The following FSTL4 variants were observed in gnomAD, a reference collection of about 807,000 sequenced individuals.
The protein encoded by FSTL4 is follistatin like 4, also known as follistatin-related protein 4.
A neutral mutation model predicts 78.2 loss-of-function variants in FSTL4; 28 were observed. That is an observed-to-expected ratio of 0.36 (90% CI 0.27 to 0.49). The LOEUF (loss-of-function observed/expected upper bound fraction) is 0.49, where lower values mean the gene tolerates loss of function less well. FSTL4 is among the 20% of genes least tolerant of loss of function. The pLI, the probability that FSTL4 is intolerant of heterozygous loss-of-function variation, is 0.98. For missense variants in FSTL4, 922 were observed against 1,084.9 expected (o/e 0.85, Z 2.11); for synonymous variants, 422 against 440.5 (o/e 0.96, Z 0.53).
chr5:133,570,649 C>A (rs1398172694), intron 2 of FSTL4, among the ~76,000 whole-genome samples: 2 of 151,768 alleles, frequency 1.3e-5, no homozygotes, highest in Non-Finnish European at 2.9e-5. Flanking sequence ...ATGAGATAAA[C>A]TTCTTCTTTG....
At chr5:133,791,155 T>G in the FSTL4 span, among the ~76,000 whole-genome samples, 1 of 152,174 alleles carries the variant, frequency 6.6e-6, no homozygotes, top group Non-Finnish European at 1.5e-5. Flanking sequence ...TCTGGAGTGC[T>G]CTTCACCAGA....
intron 4 of FSTL4, among the ~76,000 whole-genome samples, chr5:133,350,569 G>A (rs1018144367): frequency 6.6e-6 from 1 of 152,224 alleles, no homozygotes; most frequent in African/African-American, 2.4e-5. Flanking sequence ...TTTGGTATGA[G>A]TGAAGATTAA....
the FSTL4 span, among the ~76,000 whole-genome samples, chr5:133,804,807 T>A: frequency 6.6e-6 from 1 of 151,674 alleles, no homozygotes; most frequent in Non-Finnish European, 1.5e-5. Flanking sequence ...AGCCGGGCAT[T>A]GTGGCGGGCG....
the FSTL4 span, among the ~76,000 whole-genome samples, chr5:133,838,774 C>G: frequency 6.6e-6 from 1 of 152,222 alleles, no homozygotes; most frequent in South Asian, 2.1e-4. Flanking sequence ...GAAAGTCACA[C>G]AGCTTCACTT....
the FSTL4 span, among the ~76,000 whole-genome samples, chr5:133,765,462 T>A: frequency 6.6e-6 from 1 of 152,018 alleles, no homozygotes; most frequent in Non-Finnish European, 1.5e-5. Context: ...AAACCTTGAG[T>A]CCAAAACAGC....
intron 13 of FSTL4, 23 bp from the exon 14 acceptor site, chr5:133,210,321 T>C (rs1424946002): frequency 7.5e-7 from 1 of 1,332,292 alleles, no homozygotes; most frequent in East Asian, 2.3e-5. Context: ...TAGTGACATG[T>C]TGTGAAAGCT....
the FSTL4 span, among the ~76,000 whole-genome samples, chr5:133,658,376 G>A: frequency 6.6e-6 from 1 of 152,054 alleles, no homozygotes; most frequent in African/African-American, 2.4e-5. Flanking sequence ...ATGTGTTGCT[G>A]AACATAGCTG....
In FSTL4 at chr5:133,220,741, T is replaced by A; in HGVS notation, c.1458+7A>T. On this transcript the variant is annotated splice_region_variant and intron_variant, in intron 12 of 15. Coordinates refer to ENST00000265342, the MANE Select transcript of FSTL4 (RefSeq NM_015082.2). ...ATGTAGAAGCTGCCCCAGGCACAGTTACTTACATAGCTCATGAAAATCTTT... is the reference window on the plus strand; with the variant it reads ...ATGTAGAAGCTGCCCCAGGCACAGTAACTTACATAGCTCATGAAAATCTTT... The A allele has an allele frequency of 7.0e-7, 1 of 1,429,566 alleles. No individual in the cohort carries two copies. The highest frequency in any genetic ancestry group is 9.9e-7 in the Non-Finnish European group (1 of 1,010,748). The allele number at this position is 1,429,566 out of a possible 1,614,324, so 88.6% of individuals were successfully genotyped here.
chr5:133,303,036 C>CA (rs1459927808), intron 6 of FSTL4, among the ~76,000 whole-genome samples: 2 of 152,250 alleles, frequency 1.3e-5, no homozygotes, highest in African/African-American at 4.8e-5. Context: ...ACCACCCTGC[C>CA]AGCTCTTCGA....
rs1554108980 is a variant in FSTL4 at position 133,372,245 on chromosome 5, C to CTATGTATGTATG, written c.409+28481_409+28492dup. Among the ~76,000 whole-genome samples the CTATGTATGTATG allele has an allele frequency of 2.2e-3, 303 of 140,204 alleles. 2 individuals carry two copies. Among genetic ancestry groups the CTATGTATGTATG allele is most frequent in the Middle Eastern group, 0.011 (3 of 280 alleles). 92.0% of individuals were successfully genotyped at this position (140,204 alleles called of 152,430 possible). A position where few individuals can be genotyped will look rare whatever the true frequency, so the allele number is the denominator to read the frequency against. ...TCTATGTATCTATGTATCTATGTATCTATGTATGTATGTATGTATGTATGT... is the reference window on the plus strand; with the variant it reads ...TCTATGTATCTATGTATCTATGTATCTATGTATGTATGTATGTATGTATGTATGTATGTATGT... On this transcript the variant is annotated intron_variant, in intron 4 of 15. Transcript: ENST00000265342.
chr5:133,443,169 C>T (rs1315841773), intron 3 of FSTL4, among the ~76,000 whole-genome samples: 1 of 152,204 alleles, frequency 6.6e-6, no homozygotes, highest in Non-Finnish European at 1.5e-5. Flanking sequence ...AATTAGAAAT[C>T]AAACATGGGT....
At chr5:133,221,914 T>TTTTTTTG (rs1561626871) in intron 11 of FSTL4, among the ~76,000 whole-genome samples, 19 of 117,094 alleles carry the variant, frequency 1.6e-4, no homozygotes, top group South Asian at 7.4e-4. Flanking sequence ...TTTTTTTTTT[T>TTTTTTTG]TTTTTTTTTT....
chr5:133,279,591 G>A (rs181865033), intron 6 of FSTL4, among the ~76,000 whole-genome samples: 9 of 152,334 alleles, frequency 5.9e-5, no homozygotes, highest in East Asian at 3.9e-4. Flanking sequence ...ATGTGAGCAC[G>A]GGGAGGGTGG....
chr5:133,656,281 T>C, the FSTL4 span, among the ~76,000 whole-genome samples: 1 of 152,194 alleles, frequency 6.6e-6, no homozygotes, highest in South Asian at 2.1e-4. Context: ...TGGGATCTAG[T>C]ATAAAACACA....
chr5:133,517,437 A>ATAT (rs1561453724), intron 3 of FSTL4, among the ~76,000 whole-genome samples: 2 of 32,324 alleles, frequency 6.2e-5, no homozygotes, highest in African/African-American at 3.1e-4. Context: ...AAAAAAAAAA[A>ATAT]AAAAAAAAAA....
Position 133,527,497 on chromosome 5 carries a change from A to ACC in FSTL4, c.160+39688_160+39689insGG, listed in dbSNP as rs747344139. On this transcript the variant is annotated intron_variant, in intron 3 of 15. Transcript: ENST00000265342. ...TACACACACACACACACACACACAC[A>ACC]CACACCCATAAGTGCATTCACTGCA... Among the ~76,000 whole-genome samples, 513 of 72,850 alleles carry ACC rather than the reference A, an allele frequency of 7.0e-3. 18 individuals are homozygous for ACC. Among genetic ancestry groups the ACC allele is most frequent in the Middle Eastern group, 0.019 (3 of 154 alleles). 47.8% of individuals were successfully genotyped at this position (72,850 alleles called of 152,430 possible).
chr5:133,212,017 GGCT>G (rs754155903), intron 13 of FSTL4, among the ~76,000 whole-genome samples: 1 of 152,170 alleles, frequency 6.6e-6, no homozygotes, highest in Non-Finnish European at 1.5e-5. Flanking sequence ...CTTAAGTAGA[GGCT>G]GCTTTTTATT....
At chr5:133,403,304 G>A (rs1055430061) in intron 3 of FSTL4, among the ~76,000 whole-genome samples, 2 of 152,126 alleles carry the variant, frequency 1.3e-5, no homozygotes, top group Admixed American at 6.5e-5. Context: ...CGTGTGCCCT[G>A]GCCCCCATTG....
At chr5:133,492,676 T>G (rs1461733440) in intron 3 of FSTL4, among the ~76,000 whole-genome samples, 4 of 152,176 alleles carry the variant, frequency 2.6e-5, no homozygotes, top group African/African-American at 9.6e-5. Flanking sequence ...ATACTGTTCA[T>G]GATTTGGAGT....
Sources: gnomAD v4.1 joint callset for allele counts (sites outside exome capture counted in the v4.1 genomes callset) on GRCh38, gnomAD v4.1.1 for gene constraint, MANE v1.5 for transcripts, NCBI Gene and HGNC (gene_info 2026-07-23, HGNC 2026-07-21) for gene names.